Variants in CPS1 observed in about 807,000 individuals in gnomAD.
The protein encoded by CPS1 is carbamoyl-phosphate synthase 1, also known as carbamoyl-phosphate synthase [ammonia], mitochondrial.
A neutral mutation model predicts 174.6 loss-of-function variants in CPS1; 109 were observed. The observed-to-expected ratio is 0.62, with a 90% CI of 0.53 to 0.73. The LOEUF (loss-of-function observed/expected upper bound fraction) is 0.73. Among genes scored for constraint, CPS1 ranks in the 30% least tolerant of loss-of-function variants. CPS1 has a pLI of 0.00. For synonymous variants in CPS1, 637 were observed against 632.0 expected, an observed-to-expected ratio of 1.01 and a Z score of -0.12; for missense variants, 1,689 against 1,821.9, an observed-to-expected ratio of 0.93 and a Z score of 1.33.
At chr2:210,573,234 T>G in intron 1 of CPS1, 64 bp from the exon 2 acceptor site, 1 of 1,357,698 alleles carries the variant, frequency 7.4e-7, no homozygotes. Flanking sequence ...TATTTTACCT[T>G]TGGAATATTT....
At chr2:210,636,768 A>G (rs1467690343) in intron 21 of CPS1, among the ~76,000 whole-genome samples, 1 of 152,136 alleles carries the variant, frequency 6.6e-6, no homozygotes, top group Non-Finnish European at 1.5e-5. Context: ...CTTTAGTTGG[A>G]CTTTGAAGGG....
upstream of CPS1, among the ~76,000 whole-genome samples, chr2:210,553,722 G>A (rs1371461320): frequency 2.0e-5 from 3 of 151,912 alleles, no homozygotes; most frequent in South Asian, 6.2e-4. Context: ...AAAATAATCT[G>A]TCCTAAAAGT....
chr2:210,493,780 C>T (rs1369288409), intron 1 of CPS1, among the ~76,000 whole-genome samples: 1 of 152,142 alleles, frequency 6.6e-6, no homozygotes, highest in Non-Finnish European at 1.5e-5. Flanking sequence ...CTGGCAGTAA[C>T]GTTTCCCTAG....
chr2:210,562,613 G>C (rs978751745), intron 1 of CPS1, among the ~76,000 whole-genome samples: 17 of 152,066 alleles, frequency 1.1e-4, no homozygotes, highest in African/African-American at 4.1e-4. Context: ...TCAGTGCTTA[G>C]TTCAGATTTA....
At chr2:210,560,478 A>G (rs1259049818) in intron 1 of CPS1, among the ~76,000 whole-genome samples, 2 of 152,154 alleles carry the variant, frequency 1.3e-5, no homozygotes, top group African/African-American at 2.4e-5. Context: ...AAAGTGTTCA[A>G]TAAGTACTCC....
chr2:210,653,687 T>G (rs1195440866), intron 28 of CPS1, among the ~76,000 whole-genome samples: 3 of 152,156 alleles, frequency 2.0e-5, no homozygotes, highest in Admixed American at 1.3e-4. Context: ...TAGAGAAATA[T>G]TCATGATTCT....
In CPS1 at chr2:210,653,998, C is replaced by A. The variant is rs181844598; in HGVS notation, c.3481-27C>A. Reference sequence around the variant, plus strand: ...ATATACATAGCGTTAGCTAAATGTTCGGCTCCTCTGTTTTCCTTCGTGACA... The same window carrying A: ...ATATACATAGCGTTAGCTAAATGTTAGGCTCCTCTGTTTTCCTTCGTGACA... On this transcript the variant is annotated intron_variant, in intron 28 of 37. Transcript: ENST00000233072. The A allele has an allele frequency of 7.8e-5, 124 of 1,587,080 alleles. No homozygotes were observed. In the East Asian group the frequency reaches 2.2e-3, roughly 29 times the overall value.
intron 1 of CPS1, among the ~76,000 whole-genome samples, chr2:210,489,390 T>C (rs1694808952): frequency 6.6e-6 from 1 of 152,144 alleles, no homozygotes; most frequent in South Asian, 2.1e-4. Context: ...GGGTGTCACA[T>C]AGGTAGATGC....
At chr2:210,523,659 T>C (rs1009645798) in intron 1 of CPS1, among the ~76,000 whole-genome samples, 1 of 152,056 alleles carries the variant, frequency 6.6e-6, no homozygotes, top group African/African-American at 2.4e-5. Flanking sequence ...TCCATGTTGC[T>C]GCAAAAGACA....
At chr2:210,594,422 T>C in intron 11 of CPS1, 86 bp from the exon 12 acceptor site, 1 of 912,334 alleles carries the variant, frequency 1.1e-6, no homozygotes, top group South Asian at 1.5e-5. Flanking sequence ...TTATCTGAAG[T>C]TCAAATTTAA....
chr2:210,594,857 C>T (rs1252040094), intron 12 of CPS1, among the ~76,000 whole-genome samples: 1 of 151,796 alleles, frequency 6.6e-6, no homozygotes, highest in East Asian at 1.9e-4. Flanking sequence ...AATAACATAA[C>T]AAAGAATAGT....
intron 1 of CPS1, among the ~76,000 whole-genome samples, chr2:210,478,870 A>AT (rs1694478850): frequency 6.6e-6 from 1 of 151,320 alleles, no homozygotes; most frequent in African/African-American, 2.4e-5. Flanking sequence ...ACACCCAAAG[A>AT]TTTTAATTGC....
chr2:210,594,564 A>G lies in CPS1; in HGVS notation c.1221A>G (p.Thr407=), dbSNP rs377350325. 6.2e-7 allele frequency: 1 copy of G among 1,611,458 alleles called. No individual in the cohort carries two copies. The highest frequency in any genetic ancestry group is 1.7e-4 in the Middle Eastern group (1 of 6,034). ...AGAAAGGAAAAGCTACCACCATTAC[A>G]TCAGTCTTACCGAAGCCAGCACTAG... ...LIKKGKATTI[T]SVLPKPALVA... is the part of the protein sequence containing the mutation. The change falls in exon 12 of 38, where the codon ACA becomes ACG. Residue 407 remains threonine, a synonymous_variant. Coordinates refer to ENST00000233072, the MANE Select transcript of CPS1 (RefSeq NM_001875.5).
Position 210,605,167 on chromosome 2 carries a change from T to C in CPS1, c.1902T>C (p.Tyr634=), listed in dbSNP as rs763877139. ...TGACAGGTTGGAAAGAAATAGAATATGAAGTGGTTCGAGATGCTGATGACA... is the reference window on the plus strand; with the variant it reads ...TGACAGGTTGGAAAGAAATAGAATACGAAGTGGTTCGAGATGCTGATGACA... ...KSVTGWKEIE[Y]EVVRDADDNC... is the part of the protein sequence containing the mutation. Residue 634 remains tyrosine (Y), a synonymous_variant, in exon 17 of 38, where the codon TAT becomes TAC. Transcript: ENST00000233072. 2 of 1,612,212 alleles carry C rather than the reference T, an allele frequency of 1.2e-6. No individual in the cohort carries two copies. The highest frequency in any genetic ancestry group is 2.2e-5 in the South Asian group (2 of 91,056).
chr2:210,665,787 C>T (rs79636367), intron 33 of CPS1, among the ~76,000 whole-genome samples: 14,172 of 147,842 alleles, frequency 0.096, 880 homozygotes, highest in East Asian at 0.26. Flanking sequence ...AATAAACATA[C>T]GTGTGCATGT....
intron 20 of CPS1, among the ~76,000 whole-genome samples, chr2:210,614,026 G>A (rs981907119): frequency 1.6e-4 from 24 of 151,930 alleles, no homozygotes; most frequent in African/African-American, 5.3e-4. Flanking sequence ...ATGAGTCTTA[G>A]AAAGAGCAAC....
chr2:210,497,770 C>T (rs1212831595), intron 1 of CPS1, among the ~76,000 whole-genome samples: 2 of 151,548 alleles, frequency 1.3e-5, no homozygotes, highest in Admixed American at 1.3e-4. Flanking sequence ...ATATGTAGCA[C>T]ATTTTCTGTA....
chr2:210,640,111 T>C lies in CPS1; in HGVS notation c.2959+52T>C, dbSNP rs543854261. 7.2e-6 allele frequency: 8 copies of C among 1,111,072 alleles called. No homozygotes were observed. In the East Asian group the frequency reaches 1.7e-4, roughly 23 times the overall value. The allele number at this position is 1,111,072 out of a possible 1,614,324, so 68.8% of individuals were successfully genotyped here. A position where few individuals can be genotyped will look rare whatever the true frequency, so the allele number is the denominator to read the frequency against. ...GGACTTTACACAATTTATATAGTTTTCTTCATACATGTTAATTCCATTATT... is the reference window on the plus strand; with the variant it reads ...GGACTTTACACAATTTATATAGTTTCCTTCATACATGTTAATTCCATTATT... On this transcript the variant is annotated intron_variant, in intron 24 of 37. Transcript: ENST00000233072.
intron 7 of CPS1, among the ~76,000 whole-genome samples, 176 bp downstream of exon 7, chr2:210,588,323 A>G (rs1029149629): frequency 1.1e-4 from 17 of 151,998 alleles, no homozygotes; most frequent in Admixed American, 2.6e-4. Context: ...AATTAAAAAT[A>G]TAGACTGCTA....
Sources: allele counts gnomAD v4.1 joint callset (sites outside exome capture counted in the v4.1 genomes callset), GRCh38; gene constraint gnomAD v4.1.1; transcripts MANE v1.5; gene names NCBI Gene and HGNC (gene_info 2026-07-23, HGNC 2026-07-21).